The following PRMT3 variants were observed in gnomAD, a reference collection of about 807,000 sequenced individuals.
PRMT3 encodes protein arginine methyltransferase 3, also known as protein arginine N-methyltransferase 3.
In PRMT3, 62 loss-of-function variants were observed where a neutral mutation model predicts 71.9. The ratio of observed to expected loss-of-function variants is 0.86; its 90% CI spans 0.70 to 1.07. The LOEUF is 1.07. Ranked by LOEUF, PRMT3 falls within the 50% of genes least tolerant of loss-of-function variation. PRMT3 has a pLI of 0.00. For missense variants in PRMT3, 663 were observed against 643.0 expected (o/e 1.03, Z -0.34); for synonymous variants, 213 against 220.4 (o/e 0.97, Z 0.30).
chr11:20,470,631 C>T (rs1233364204), intron 13 of PRMT3, among the ~76,000 whole-genome samples: 1 of 152,132 alleles, frequency 6.6e-6, no homozygotes, highest in African/African-American at 2.4e-5. Context: ...TTTCTTTATC[C>T]AGTCTACCAT....
chr11:20,453,485 A>G (rs1300829266), intron 11 of PRMT3, among the ~76,000 whole-genome samples: 2 of 151,820 alleles, frequency 1.3e-5, no homozygotes, highest in Admixed American at 6.6e-5. Flanking sequence ...ATCTCAGAAA[A>G]AAAAAAAAAA....
At chr11:20,397,492 C>G in intron 6 of PRMT3, 85 bp from the exon 7 acceptor site, 1 of 1,378,780 alleles carries the variant, frequency 7.3e-7, no homozygotes, top group African/African-American at 1.4e-5. Context: ...TACTCCCTCC[C>G]CTTTCCTCTT....
At chr11:20,396,260 T>G (rs979341020) in intron 6 of PRMT3, among the ~76,000 whole-genome samples, 9 of 152,228 alleles carry the variant, frequency 5.9e-5, no homozygotes, top group African/African-American at 2.2e-4. Flanking sequence ...CCATTTTACT[T>G]TTTCTATCCT....
chr11:20,473,505 G>C (rs2165904), intron 13 of PRMT3, among the ~76,000 whole-genome samples: 114,389 of 152,034 alleles, frequency 0.75, 43,991 homozygotes, highest in South Asian at 0.85. Context: ...AGTCATTAAG[G>C]AGCAGTTGTT....
rs1223796957 is a variant in PRMT3 at position 20,451,778 on chromosome 11, C to G, written c.994-352C>G. Among the ~76,000 whole-genome samples the G allele has an allele frequency of 4.6e-5, 7 of 152,082 alleles. No individual in the cohort carries two copies. In the East Asian group the frequency reaches 1.4e-3, roughly 29 times the overall value. On this transcript the variant is annotated intron_variant, in intron 10 of 15. Transcript: ENST00000331079. ...CCAGCAGGCAAAATCAAGTGGAGAA[C>G]CACTGCTCTAGATGGATATTGCATC... is the stretch of plus-strand genomic sequence containing the variant.
At chr11:20,390,441 A>G (rs1261510561) in intron 3 of PRMT3, among the ~76,000 whole-genome samples, 7 of 151,296 alleles carry the variant, frequency 4.6e-5, no homozygotes, top group African/African-American at 1.5e-4. Flanking sequence ...TAGATGTAGG[A>G]CTTGAAAAAG....
chr11:20,477,802 A>AACCC (rs1850829206), intron 13 of PRMT3, among the ~76,000 whole-genome samples: 1 of 116,446 alleles, frequency 8.6e-6, no homozygotes, highest in Non-Finnish European at 1.8e-5. Flanking sequence ...CTTAGGAGAA[A>AACCC]CCCCCCCCCC....
chr11:20,479,717 C>T (rs766355946), intron 13 of PRMT3, among the ~76,000 whole-genome samples: 7 of 151,968 alleles, frequency 4.6e-5, no homozygotes, highest in African/African-American at 1.5e-4. Context: ...CTAAGAGTGA[C>T]GAGGCAAAAG....
intron 15 of PRMT3, among the ~76,000 whole-genome samples, chr11:20,495,882 T>G (rs190746568): frequency 1.2e-3 from 178 of 152,348 alleles, no homozygotes; most frequent in African/African-American, 4.1e-3. Flanking sequence ...AACCATGAGA[T>G]GCTGTTTCTT....
rs1354536454 is a variant in PRMT3 at position 20,462,245 on chromosome 11, A to G, written c.1260+78A>G. The G allele has an allele frequency of 2.6e-6, 3 of 1,161,402 alleles. No individual in the cohort carries two copies. The African/African-American group carries it at 4.6e-5, about 18-fold the overall frequency. The allele number at this position is 1,161,402 out of a possible 1,614,324, so 71.9% of individuals were successfully genotyped here. ...TTCAGCATTTGAAAATAATATATTG[A>G]TTTTATATATGGGCTTTCAAAACAG... is the stretch of plus-strand genomic sequence containing the variant. On this transcript the variant is annotated intron_variant, in intron 12 of 15. Transcript: ENST00000331079.
At chr11:20,461,732 C>T (rs760624277) in intron 11 of PRMT3, among the ~76,000 whole-genome samples, 11 of 151,942 alleles carry the variant, frequency 7.2e-5, no homozygotes, top group Non-Finnish European at 1.6e-4. Flanking sequence ...AATTATATAA[C>T]CCTATTTTAA....
chr11:20,432,372 G>A (rs761243873), intron 10 of PRMT3, among the ~76,000 whole-genome samples: 1 of 151,994 alleles, frequency 6.6e-6, no homozygotes, highest in African/African-American at 2.4e-5. Context: ...ACATTTGTAG[G>A]CACATAAGCA....
At chr11:20,451,885 A>T (rs908242352) in intron 10 of PRMT3, among the ~76,000 whole-genome samples, 2 of 152,206 alleles carry the variant, frequency 1.3e-5, no homozygotes, top group Non-Finnish European at 2.9e-5. Flanking sequence ...TGGAAAGTAG[A>T]ATCATAGATA....
At chr11:20,429,098 C>T (rs1257084259) in intron 10 of PRMT3, among the ~76,000 whole-genome samples, 1 of 152,122 alleles carries the variant, frequency 6.6e-6, no homozygotes, top group Non-Finnish European at 1.5e-5. Context: ...TTTCTCTTTT[C>T]CTAGTTTGTG....
At chr11:20,487,778 G>T (rs1851111580) in intron 13 of PRMT3, among the ~76,000 whole-genome samples, 1 of 152,196 alleles carries the variant, frequency 6.6e-6, no homozygotes, top group Non-Finnish European at 1.5e-5. Context: ...TTTATGAAAT[G>T]TCAAAATGAA....
chr11:20,422,041 G>T (rs971233506), intron 9 of PRMT3, among the ~76,000 whole-genome samples: 1 of 152,224 alleles, frequency 6.6e-6, no homozygotes, highest in East Asian at 1.9e-4. Flanking sequence ...CCCCTCTTGC[G>T]GTAGGTATGC....
chr11:20,413,070 T>G (rs1849229778), intron 9 of PRMT3, among the ~76,000 whole-genome samples: 1 of 57,576 alleles, frequency 1.7e-5, no homozygotes, highest in Admixed American at 1.4e-4. Context: ...TTGCTTTACT[T>G]AAAACCTATG....
intron 9 of PRMT3, among the ~76,000 whole-genome samples, chr11:20,408,246 A>G (rs1849116363): frequency 6.6e-6 from 1 of 152,054 alleles, no homozygotes; most frequent in Non-Finnish European, 1.5e-5. Context: ...ATTGATGAGA[A>G]TTATTTTTAT....
intron 3 of PRMT3, 30 bp from the exon 4 acceptor site, chr11:20,392,181 C>T (rs761517527): frequency 9.6e-6 from 15 of 1,562,958 alleles, no homozygotes; most frequent in Non-Finnish European, 1.2e-5. Flanking sequence ...ATTATGTTAA[C>T]ATAGGTGAAT....
Sources: gnomAD v4.1 joint callset for allele counts (sites outside exome capture counted in the v4.1 genomes callset) on GRCh38, gnomAD v4.1.1 for gene constraint, MANE v1.5 for transcripts, NCBI Gene and HGNC (gene_info 2026-07-23, HGNC 2026-07-21) for gene names.